Variants in RPTOR observed in about 807,000 individuals in gnomAD.
RPTOR encodes regulatory associated protein of MTOR complex 1, also known as regulatory-associated protein of mTOR.
In RPTOR, 21 loss-of-function variants were observed where a neutral mutation model predicts 169.9. That is an observed-to-expected ratio of 0.12 (90% CI 0.09 to 0.18). RPTOR has a LOEUF of 0.18. Among genes scored for constraint, RPTOR ranks in the 10% least tolerant of loss-of-function variants. The pLI is 1.00. For synonymous variants in RPTOR, 732 were observed against 753.2 expected (o/e 0.97, Z 0.46); for missense variants, 1,133 against 1,855.9 (o/e 0.61, Z 7.16).
intron 24 of RPTOR, among the ~76,000 whole-genome samples, chr17:80,930,899 G>T (rs369937849): frequency 1.3e-5 from 2 of 152,210 alleles, no homozygotes; most frequent in African/African-American, 2.4e-5. Context: ...TAGTGCCAGC[G>T]CCTGTCTGGT....
chr17:80,731,491 C>T (rs569972252), intron 5 of RPTOR, among the ~76,000 whole-genome samples: 6 of 152,118 alleles, frequency 3.9e-5, no homozygotes, highest in African/African-American at 1.4e-4. Flanking sequence ...CTTCAAAAAG[C>T]GGAAAGCCTG....
chr17:80,679,318 G>A (rs1034703532), intron 3 of RPTOR, among the ~76,000 whole-genome samples: 6 of 152,204 alleles, frequency 3.9e-5, no homozygotes, highest in African/African-American at 9.7e-5. Flanking sequence ...GTGAATTGAC[G>A]GCTAGGCTCA....
chr17:80,776,576 G>A (rs911613922), intron 6 of RPTOR, among the ~76,000 whole-genome samples: 3 of 152,004 alleles, frequency 2.0e-5, no homozygotes, highest in Admixed American at 2.0e-4. Flanking sequence ...CGTCCGCCTC[G>A]GCCTCCCAAA....
chr17:80,733,808 T>C (rs910824469), intron 5 of RPTOR, among the ~76,000 whole-genome samples: 5 of 152,272 alleles, frequency 3.3e-5, no homozygotes, highest in Non-Finnish European at 5.9e-5. Context: ...TTGCGTTCCC[T>C]CTTATTCACT....
At chr17:80,850,058 C>A (rs2589150) in intron 11 of RPTOR, among the ~76,000 whole-genome samples, 116,967 of 152,162 alleles carry the variant, frequency 0.77, 47,259 homozygotes, top group Non-Finnish European at 0.88. Context: ...CATTTATTTA[C>A]TTGGCCCTTT....
chr17:80,840,350 C>G (rs967265512), intron 10 of RPTOR, among the ~76,000 whole-genome samples: 9 of 146,110 alleles, frequency 6.2e-5, no homozygotes, highest in Non-Finnish European at 1.4e-4. Context: ...CTCACACTCA[C>G]CACACGGCAG....
chr17:80,951,535 G>A (rs1031950327), intron 28 of RPTOR, among the ~76,000 whole-genome samples: 2 of 152,212 alleles, frequency 1.3e-5, no homozygotes, highest in Non-Finnish European at 2.9e-5. Context: ...GCCAGCTGTG[G>A]GCTGGGGCAC....
At position 80,747,547 on chromosome 17, in the gene RPTOR, T is replaced by C. The variant is rs114102635; in HGVS notation, c.655-6463T>C. ...TAGGCATATTTGGGATAAAGCTCTTTCTACATCTACCTGTCCGACTGCTCC... is the reference window on the plus strand; with the variant it reads ...TAGGCATATTTGGGATAAAGCTCTTCCTACATCTACCTGTCCGACTGCTCC... On this transcript the variant is annotated intron_variant, in intron 5 of 33. Coordinates refer to ENST00000306801, the MANE Select transcript of RPTOR (RefSeq NM_020761.3). Among the ~76,000 whole-genome samples, 1,484 of 152,370 alleles carry C rather than the reference T, an allele frequency of 9.7e-3. 25 individuals are homozygous for C. The highest frequency in any genetic ancestry group is 0.035 in the African/African-American group (1,435 of 41,588).
At chr17:80,571,103 CCT>C (rs1175705345) in intron 1 of RPTOR, among the ~76,000 whole-genome samples, 1 of 152,086 alleles carries the variant, frequency 6.6e-6, no homozygotes, top group South Asian at 2.1e-4. Flanking sequence ...AAAATCCTCC[CCT>C]GTTTTGGTGT....
In RPTOR at chr17:80,633,645, G is replaced by A. The variant is rs538788649; in HGVS notation, c.265+7852G>A. ...GATCTTCTCACCTGATTCAGCTGGC[G>A]CCTGCTGGACCTCATGTGAAATTCC... On this transcript the variant is annotated intron_variant, in intron 2 of 33. Coordinates refer to ENST00000306801, the MANE Select transcript of RPTOR (RefSeq NM_020761.3). This position sits in a 1 kb window ranked among gnomAD's most constrained non-coding sequence, Gnocchi z 4.1. Among the ~76,000 whole-genome samples the A allele has an allele frequency of 6.6e-6, 1 of 152,226 alleles. No homozygotes were observed. Among genetic ancestry groups the A allele is most frequent in the Non-Finnish European group, 1.5e-5 (1 of 68,042 alleles).
chr17:80,918,386 G>T (rs1567985937), intron 21 of RPTOR, among the ~76,000 whole-genome samples: 1 of 152,136 alleles, frequency 6.6e-6, no homozygotes, highest in African/African-American at 2.4e-5. Flanking sequence ...TGCAGCTGCA[G>T]GCAGCGGCTG....
chr17:80,638,426 T>G (rs964768306), intron 2 of RPTOR, among the ~76,000 whole-genome samples: 1 of 149,838 alleles, frequency 6.7e-6, no homozygotes, highest in Admixed American at 6.6e-5. Context: ...TTTTTTTTTT[T>G]TTTGAGACGG....
chr17:80,958,847 A>G (rs2069294571), intron 29 of RPTOR, among the ~76,000 whole-genome samples: 1 of 152,234 alleles, frequency 6.6e-6, no homozygotes, highest in Non-Finnish European at 1.5e-5. Context: ...ATCTAACTGC[A>G]TTGACTTCAT....
Position 80,883,903 on chromosome 17 carries a change from G to A in RPTOR, c.1773G>A (p.Ala591=), listed in dbSNP as rs773962774. ...GGATCTGGCAGAACTTCGACTCGGCGAGGTGGTGCGGCGTGAGGGACAGCG... is the reference window on the plus strand; with the variant it reads ...GGATCTGGCAGAACTTCGACTCGGCAAGGTGGTGCGGCGTGAGGGACAGCG... ...LGRIWQNFDS[A]RWCGVRDSAH... Residue 591 remains alanine (A), a synonymous_variant, in exon 16 of 34, where the codon GCG becomes GCA. Coordinates refer to ENST00000306801, the MANE Select transcript of RPTOR (RefSeq NM_020761.3). 3.7e-5 allele frequency: 59 copies of A among 1,613,490 alleles called. No homozygotes were observed. Among genetic ancestry groups the A allele is most frequent in the Non-Finnish European group, 4.5e-5 (53 of 1,180,044 alleles).
intron 5 of RPTOR, among the ~76,000 whole-genome samples, chr17:80,751,560 C>T (rs933026091): frequency 3.3e-5 from 5 of 152,164 alleles, no homozygotes; most frequent in Admixed American, 6.5e-5. Flanking sequence ...ATTCTCTCCC[C>T]GTCAAGCCGG....
chr17:80,778,939 G>A (rs1390008637), intron 6 of RPTOR, among the ~76,000 whole-genome samples: 1 of 152,242 alleles, frequency 6.6e-6, no homozygotes, highest in African/African-American at 2.4e-5. Context: ...TGGTTGTCTT[G>A]GAACCAAACA....
At chr17:80,660,678 G>A (rs2065715936) in intron 3 of RPTOR, among the ~76,000 whole-genome samples, 1 of 152,118 alleles carries the variant, frequency 6.6e-6, no homozygotes, top group South Asian at 2.1e-4. Context: ...GGCCATGCAT[G>A]CCTGGCAACA....
In RPTOR at chr17:80,562,499, C is replaced by T. The variant is rs1045428529; in HGVS notation, c.162+16708C>T. ...ATTTTATCCTTAAAAGTAGATCAGA[C>T]AAGGCCGGGAGCAGTGGCTCATGCG... On this transcript the variant is annotated intron_variant, in intron 1 of 33. Transcript: ENST00000306801. The surrounding 1 kb of genome is among the most constrained non-coding windows in gnomAD (Gnocchi z 4.4). 6.6e-6 allele frequency among the ~76,000 whole-genome samples: 1 copy of T among 152,140 alleles called. No homozygotes were observed. The highest frequency in any genetic ancestry group is 1.5e-5 in the Non-Finnish European group (1 of 68,024).
At chr17:80,772,965 C>A (rs2066859485) in intron 6 of RPTOR, among the ~76,000 whole-genome samples, 2 of 152,196 alleles carry the variant, frequency 1.3e-5, no homozygotes, top group African/African-American at 4.8e-5. Flanking sequence ...GCGCTCTTCT[C>A]TTCATTACCT....
Sources: gnomAD v4.1 joint callset for allele counts (sites outside exome capture counted in the v4.1 genomes callset) on GRCh38, gnomAD v4.1.1 for gene constraint, Gnocchi (gnomAD v3.1) non-coding constraint, MANE v1.5 for transcripts, NCBI Gene and HGNC (gene_info 2026-07-23, HGNC 2026-07-21) for gene names.